Variants in HOXA3 observed in about 807,000 individuals in gnomAD.
The protein encoded by HOXA3 is homeobox protein Hox-A3.
Under a neutral mutation model 30.3 loss-of-function variants are expected in HOXA3, and 8 were observed. The observed-to-expected ratio is 0.26, with a 90% confidence interval of 0.15 to 0.48. HOXA3 has a LOEUF of 0.48. Ranked by LOEUF, HOXA3 falls within the 20% of genes least tolerant of loss-of-function variation. The pLI is 0.99. For synonymous variants in HOXA3, 323 were observed against 273.1 expected, an observed-to-expected ratio of 1.18 and a Z score of -1.80; for missense variants, 653 against 614.4, an observed-to-expected ratio of 1.06 and a Z score of -0.66.
Position 27,110,377 on chromosome 7 carries a change from C to T in HOXA3, c.264G>A (p.Pro88=). The stretch of plus-strand genomic sequence containing the variant: ...CCTGGGGCGGCGGCGGGTGCAGGGG[C>T]GGCTCTCCCAGGCTTGGAGGCTGGC... The part of the protein sequence containing the change: ...PPSQPPSLGE[P]PLHPPPPQAA... The change falls in exon 5 of 6, where the codon CCG becomes CCA. Residue 88 remains proline (P), a synonymous_variant. Coordinates refer to ENST00000612286, the MANE Select transcript of HOXA3 (RefSeq NM_153631.3). The T allele has an allele frequency of 1.3e-6, 2 of 1,516,752 alleles. No individual in the cohort carries two copies. The allele number at this position is 1,516,752 out of a possible 1,614,324, so 94.0% of individuals were successfully genotyped here.
At chr7:27,142,041 T>C (rs776634325) in intron 1 of HOXA3, 4 of 1,614,204 alleles carry the variant, frequency 2.5e-6, no homozygotes. Flanking sequence ...TGGTAGCGCG[T>C]GTAGGCCGTC....
At chr7:27,147,398 C>G (rs771813425) in intron 1 of HOXA3, 1 of 1,614,186 alleles carries the variant, frequency 6.2e-7, no homozygotes, top group Non-Finnish European at 8.5e-7. Context: ...TTGCCCTGCC[C>G]GCTGCTGCTG....
Position 27,139,707 on chromosome 7 carries a change from T to G in HOXA3, c.-390+376A>C, listed in dbSNP as rs574378439. Among the ~76,000 whole-genome samples the G allele has an allele frequency of 2.4e-4, 37 of 152,152 alleles. No individual in the cohort carries two copies. In the East Asian group the frequency reaches 6.2e-3, roughly 26 times the overall value. On this transcript the variant is annotated intron_variant, in intron 2 of 5. Coordinates refer to ENST00000612286, the MANE Select transcript of HOXA3 (RefSeq NM_153631.3). ...CCAGGGCTCCGCGACCCCCAGGAGC[T>G]GGCCCCGGCCGGCCCAGCAATTGCG...
intron 1 of HOXA3, chr7:27,140,535 A>G (rs1782528422): frequency 6.6e-6 from 1 of 152,202 alleles, no homozygotes; most frequent in Non-Finnish European, 1.5e-5. Context: ...TCGAGCTAGG[A>G]TGGGGTAAGT....
chr7:27,147,274 C>A (rs1485085041), intron 1 of HOXA3: 1 of 1,564,410 alleles, frequency 6.4e-7, no homozygotes, highest in South Asian at 1.1e-5. Flanking sequence ...GCCTCCTTTC[C>A]CCTCTCCCTC....
intron 2 of HOXA3, among the ~76,000 whole-genome samples, chr7:27,127,711 G>A (rs1583393475): frequency 2.6e-5 from 4 of 152,138 alleles, no homozygotes; most frequent in Admixed American, 2.6e-4. Context: ...AGTGGGTTTT[G>A]ATTTTCAGCC....
chr7:27,120,536 C>CA (rs5883061), intron 4 of HOXA3, among the ~76,000 whole-genome samples: 3,570 of 83,930 alleles, frequency 0.043, 91 homozygotes, highest in African/African-American at 0.062. Context: ...GCGACTCTGT[C>CA]AAAAAAAAAA....
Position 27,108,647 on chromosome 7 carries a change from G to C in HOXA3, c.600C>G (p.Ser200Arg). ...CTTTCTCCAGCTCCACCAGCTGCGC[G>C]CTCGTGTAGGCCGTGCGCGCGCGCT... is the stretch of plus-strand genomic sequence containing the variant. ...SSKRARTAYT[S>R]AQLVELEKEF... Residue 200 changes from serine to arginine, a missense_variant, in exon 6 of 6, where the codon AGC becomes AGG. This residue lies in a region of HOXA3 where 320 missense variants were observed against 321.9 expected (regional missense o/e 0.99). Coordinates refer to ENST00000612286, the MANE Select transcript of HOXA3 (RefSeq NM_153631.3). The surrounding 1 kb of genome is among the most constrained non-coding windows in gnomAD (Gnocchi z 5.0). 1 of 1,614,038 alleles carries C rather than the reference G, an allele frequency of 6.2e-7. No individual in the cohort carries two copies. Among genetic ancestry groups the C allele is most frequent in the Non-Finnish European group, 8.5e-7 (1 of 1,179,946 alleles).
chr7:27,122,800 A>G (rs1047819349), intron 3 of HOXA3, 158 bp from the exon 4 acceptor site: 1 of 152,346 alleles, frequency 6.6e-6, no homozygotes, highest in East Asian at 1.9e-4. Flanking sequence ...TGGCGCACTC[A>G]TTGCTCGAAA....
At position 27,108,322 on chromosome 7, in the gene HOXA3, G is replaced by T; in HGVS notation, c.925C>A (p.Pro309Thr). The T allele has an allele frequency of 6.6e-7, 1 of 1,517,542 alleles. No individual in the cohort carries two copies. Among genetic ancestry groups the T allele is most frequent in the South Asian group, 1.2e-5 (1 of 80,262 alleles). 94.0% of individuals were successfully genotyped at this position (1,517,542 alleles called of 1,614,324 possible). A position where few individuals can be genotyped will look rare whatever the true frequency, so the allele number is the denominator to read the frequency against. Reference sequence around the variant, plus strand: ...GGCAGGGACGCAGGGTAGGAGGCGGGGGGCAGCCCGTAGGTACCCTGGGGG... The same window carrying T: ...GGCAGGGACGCAGGGTAGGAGGCGGTGGGCAGCCCGTAGGTACCCTGGGGG... The part of the protein sequence containing the change: ...KPPQGTYGLP[P>T]ASYPASLPSC... The change falls in exon 6 of 6, where the codon CCC becomes ACC. Residue 309 changes from proline (P) to threonine (T), a missense_variant. By Grantham distance (38) the Pro-to-Thr change is conservative (BLOSUM62 -1). Transcript: ENST00000612286. This position sits in a 1 kb window ranked among gnomAD's most constrained non-coding sequence, Gnocchi z 5.0.
At chr7:27,145,204 G>A (rs1437212663) in intron 1 of HOXA3, among the ~76,000 whole-genome samples, 1 of 152,190 alleles carries the variant, frequency 6.6e-6, no homozygotes, top group Non-Finnish European at 1.5e-5. Flanking sequence ...ATGCCCTTCG[G>A]GACTTACTGG....
rs1351468976 is a variant in HOXA3, at chr7:27,114,836, TATATATATA to T, written c.-120-4085_-120-4077del. Among the ~76,000 whole-genome samples, 31 of 87,696 alleles carry T rather than the reference TATATATATA, an allele frequency of 3.5e-4. 2 individuals are homozygous for T. Among genetic ancestry groups the T allele is most frequent in the African/African-American group, 1.1e-3 (27 of 24,800 alleles). The allele number at this position is 87,696 out of a possible 152,430, so 57.5% of individuals were successfully genotyped here. ...ACATACATATATATATAATATATAT[TATATATATA>T]ATATATATTATATATATAATATATA... On this transcript the variant is annotated intron_variant, in intron 4 of 5. Transcript: ENST00000612286.
chr7:27,143,414 C>T (rs200819149), intron 1 of HOXA3: 15 of 1,611,554 alleles, frequency 9.3e-6, no homozygotes, highest in Non-Finnish European at 1.2e-5. Context: ...CTCTCCGGAG[C>T]CAAAGTGGCC....
In HOXA3 at chr7:27,108,233, G is replaced by A. The variant is rs1372278383; in HGVS notation, c.1014C>T (p.Gly338=). 1.3e-6 allele frequency: 2 copies of A among 1,518,118 alleles called. No individual in the cohort carries two copies. Among genetic ancestry groups the A allele is most frequent in the South Asian group, 1.3e-5 (1 of 76,774 alleles). 94.0% of individuals were successfully genotyped at this position (1,518,118 alleles called of 1,614,324 possible). Residue 338 remains glycine, a synonymous_variant, in exon 6 of 6, where the codon GGC becomes GGT. Coordinates refer to ENST00000612286, the MANE Select transcript of HOXA3 (RefSeq NM_153631.3). The surrounding 1 kb of genome is among the most constrained non-coding windows in gnomAD (Gnocchi z 5.0). ...GAGCGTGCGGGTCATAGTCGGGGGT[G>A]CCCCCTGCGCCCGCCCCTGCCGCCG... The part of the protein sequence containing the change: ...RYTAAGAGAG[G]TPDYDPHAHG...
chr7:27,130,269 C>T (rs1033452269), intron 2 of HOXA3: 1 of 1,146,880 alleles, frequency 8.7e-7, no homozygotes, highest in African/African-American at 1.7e-5. Context: ...CCTCGCAGCG[C>T]CGCGGGGCCG....
intron 1 of HOXA3, chr7:27,147,639 G>T (rs2128062983): frequency 6.2e-7 from 1 of 1,614,200 alleles, no homozygotes; most frequent in Non-Finnish European, 8.5e-7. Context: ...AGGCCGGGAA[G>T]GGCCTCAGCG....
Position 27,110,279 on chromosome 7 carries a change from G to A in HOXA3, c.362C>T (p.Pro121Leu). 1 of 1,609,158 alleles carries A rather than the reference G, an allele frequency of 6.2e-7. No homozygotes were observed. Among genetic ancestry groups the A allele is most frequent in the Non-Finnish European group, 8.5e-7 (1 of 1,177,806 alleles). The change falls in exon 5 of 6, where the codon CCT (proline) becomes CTT (leucine). Residue 121 changes from proline (P) to leucine (L), a missense_variant. Pro to Leu is a moderately conservative substitution (Grantham distance 98). This residue lies in a region of HOXA3 where 320 missense variants were observed against 321.9 expected (regional missense o/e 0.99). Transcript: ENST00000612286. Reference protein sequence around the residue: ...PPAPTPAAPPPPSSASPPQNA... With the variant: ...PPAPTPAAPPLPSSASPPQNA... ...CTGAGGAGGGGAGGCAGAAGAGGGA[G>A]GCGGGGGCGCGGCAGGGGTAGGTGC... is the stretch of plus-strand genomic sequence containing the variant.
intron 4 of HOXA3, among the ~76,000 whole-genome samples, chr7:27,119,984 G>A (rs1784922254): frequency 1.3e-5 from 2 of 152,004 alleles, no homozygotes; most frequent in South Asian, 4.2e-4. Context: ...CTCAGGTTTG[G>A]GGGATAGAGG....
intron 3 of HOXA3, chr7:27,123,518 G>GA (rs1785141021): frequency 6.5e-6 from 1 of 152,850 alleles, no homozygotes; most frequent in Non-Finnish European, 1.5e-5. Context: ...GGGGAAAGAG[G>GA]AAAGAATCGT....
Sources: gnomAD v4.1 joint callset for allele counts (sites outside exome capture counted in the v4.1 genomes callset) on GRCh38, gnomAD v4.1.1 for gene constraint, gnomAD v4.1.1 regional missense constraint, Gnocchi (gnomAD v3.1) non-coding constraint, MANE v1.5 for transcripts, NCBI Gene and HGNC (gene_info 2026-07-23, HGNC 2026-07-21) for gene names.